Variants in RANBP2 observed in about 807,000 individuals in gnomAD.
RANBP2 encodes RAN binding protein 2, also known as E3 SUMO-protein ligase RanBP2.
A neutral mutation model predicts 303.6 loss-of-function variants in RANBP2; 57 were observed. The observed-to-expected ratio is 0.19, with a 90% CI of 0.15 to 0.23. The LOEUF is 0.23. Ranked by LOEUF, RANBP2 falls within the 10% of genes least tolerant of loss-of-function variation. RANBP2 has a pLI of 1.00. For synonymous variants in RANBP2, 1,167 were observed against 1,301.5 expected (o/e 0.90, Z 2.23); for missense variants, 3,138 against 3,780.8 (o/e 0.83, Z 4.46).
At chr2:109,281,975 C>T in the RANBP2 span, among the ~76,000 whole-genome samples, 2 of 152,054 alleles carry the variant, frequency 1.3e-5, no homozygotes, top group Non-Finnish European at 2.9e-5. Flanking sequence ...AATGGCCGAG[C>T]GCTGGGCCAG....
At chr2:109,444,638 C>T in the RANBP2 span, among the ~76,000 whole-genome samples, 1 of 152,172 alleles carries the variant, frequency 6.6e-6, no homozygotes, top group Non-Finnish European at 1.5e-5. Flanking sequence ...ACTAGCTCAG[C>T]ACCCTCTCTG....
the RANBP2 span, among the ~76,000 whole-genome samples, chr2:109,269,648 G>T: frequency 6.6e-6 from 1 of 152,200 alleles, no homozygotes; most frequent in African/African-American, 2.4e-5. Context: ...GGACATGGTG[G>T]CGTGTGCCTA....
At chr2:109,277,378 C>A in the RANBP2 span, among the ~76,000 whole-genome samples, 12 of 152,270 alleles carry the variant, frequency 7.9e-5, no homozygotes, top group South Asian at 2.3e-3. Flanking sequence ...CTTTATGTGA[C>A]CCCGGCCTCG....
the RANBP2 span, among the ~76,000 whole-genome samples, chr2:109,599,135 G>A: frequency 5.9e-5 from 9 of 152,140 alleles, no homozygotes; most frequent in African/African-American, 1.9e-4. Context: ...TGCTAGAAGT[G>A]GATGCTTATT....
At chr2:109,119,901 T>C in the RANBP2 span, among the ~76,000 whole-genome samples, 2 of 152,266 alleles carry the variant, frequency 1.3e-5, no homozygotes, top group Admixed American at 1.3e-4. Flanking sequence ...CCATTGTTTA[T>C]GAAGATTTTT....
At chr2:109,257,103 C>T in the RANBP2 span, among the ~76,000 whole-genome samples, 5 of 152,216 alleles carry the variant, frequency 3.3e-5, no homozygotes, top group South Asian at 2.1e-4. Flanking sequence ...CTAGGCAGCC[C>T]GAAAGCCACT....
At chr2:108,744,848 G>A (rs1696392139) in intron 7 of RANBP2, among the ~76,000 whole-genome samples, 1 of 152,268 alleles carries the variant, frequency 6.6e-6, no homozygotes, top group Admixed American at 6.5e-5. Flanking sequence ...TAATGTTATT[G>A]CTTTCTTGTG....
the RANBP2 span, among the ~76,000 whole-genome samples, chr2:109,689,365 C>T: frequency 2.6e-5 from 4 of 152,116 alleles, no homozygotes; most frequent in African/African-American, 9.7e-5. Context: ...GGTTGGGGGA[C>T]ATGTGACATT....
At chr2:108,907,662 C>T in the RANBP2 span, among the ~76,000 whole-genome samples, 1 of 146,492 alleles carries the variant, frequency 6.8e-6, no homozygotes, top group Non-Finnish European at 1.5e-5. Context: ...AAAAAAAAAA[C>T]AAAACTCAAA....
the RANBP2 span, among the ~76,000 whole-genome samples, chr2:109,324,043 A>G: frequency 1.3e-5 from 2 of 152,320 alleles, no homozygotes; most frequent in Admixed American, 6.5e-5. Flanking sequence ...GGACATTTCT[A>G]TGAATGGAAG....
At chr2:108,748,711 G>C (rs1399188495) in intron 8 of RANBP2, among the ~76,000 whole-genome samples, 1 of 151,946 alleles carries the variant, frequency 6.6e-6, no homozygotes, top group Non-Finnish European at 1.5e-5. Flanking sequence ...CCCTTCTGCT[G>C]TCTTATGTAG....
chr2:109,474,554 C>G, the RANBP2 span, among the ~76,000 whole-genome samples: 1,201 of 152,294 alleles, frequency 7.9e-3, 11 homozygotes, highest in Non-Finnish European at 0.01. Context: ...CCGAACCGCA[C>G]GGGGCTTATA....
chr2:109,553,220 C>T, the RANBP2 span: 1 of 1,613,284 alleles, frequency 6.2e-7, no homozygotes, highest in Non-Finnish European at 8.5e-7. Context: ...CTCTTGAACA[C>T]TAAAAAGTTA....
the RANBP2 span, among the ~76,000 whole-genome samples, chr2:109,091,315 G>A: frequency 6.6e-6 from 1 of 152,026 alleles, no homozygotes; most frequent in Non-Finnish European, 1.5e-5. Context: ...GCATATTTTT[G>A]GTGTCCTCTC....
the RANBP2 span, among the ~76,000 whole-genome samples, chr2:108,873,880 C>T: frequency 2.5e-4 from 38 of 152,220 alleles, no homozygotes; most frequent in East Asian, 7.0e-3. Flanking sequence ...TTAGACCTTT[C>T]TGAATCCCAT....
the RANBP2 span, among the ~76,000 whole-genome samples, chr2:109,238,065 G>A: frequency 5.3e-5 from 8 of 152,158 alleles, 1 homozygote; most frequent in African/African-American, 1.9e-4. Context: ...AATTAGCCAA[G>A]CATGGTGGCA....
chr2:109,051,239 T>C, the RANBP2 span, among the ~76,000 whole-genome samples: 1 of 152,352 alleles, frequency 6.6e-6, no homozygotes, highest in South Asian at 2.1e-4. Flanking sequence ...TTGCCTACCC[T>C]GCTGTCTGCA....
chr2:109,035,353 A>G, the RANBP2 span, among the ~76,000 whole-genome samples: 1 of 152,124 alleles, frequency 6.6e-6, no homozygotes, highest in Non-Finnish European at 1.5e-5. Context: ...TCTTACAGGT[A>G]AAATATCTGG....
the RANBP2 span, among the ~76,000 whole-genome samples, chr2:108,870,195 C>A: frequency 6.1e-4 from 93 of 152,224 alleles, no homozygotes; most frequent in African/African-American, 2.1e-3. Flanking sequence ...AATTCTGGAA[C>A]TGGAAAATAC....
Sources: gnomAD v4.1 joint callset for allele counts (sites outside exome capture counted in the v4.1 genomes callset) on GRCh38, gnomAD v4.1.1 for gene constraint, MANE v1.5 for transcripts, NCBI Gene and HGNC (gene_info 2026-07-23, HGNC 2026-07-21) for gene names.